STARD13: variants seen among roughly 807,000 people sequenced by gnomAD.
STARD13 encodes the protein stAR-related lipid transfer protein 13.
A neutral mutation model predicts 106.4 loss-of-function variants in STARD13; 62 were observed. The ratio of observed to expected loss-of-function variants is 0.58; its 90% CI spans 0.48 to 0.72. The LOEUF is 0.72. Ranked by LOEUF, STARD13 falls within the 30% of genes least tolerant of loss-of-function variation. The pLI is 0.00. For missense variants in STARD13, 1,387 were observed against 1,424.0 expected (o/e 0.97, Z 0.42); for synonymous variants, 565 against 553.0 (o/e 1.02, Z -0.31).
chr13:33,288,458 G>A (rs898417471), upstream of STARD13, among the ~76,000 whole-genome samples: 3 of 151,750 alleles, frequency 2.0e-5, no homozygotes, highest in Non-Finnish European at 4.4e-5. Flanking sequence ...AAAAGTTGTA[G>A]AGATGGGGGT....
At chr13:33,359,171 T>C in the STARD13 span, among the ~76,000 whole-genome samples, 1 of 152,054 alleles carries the variant, frequency 6.6e-6, no homozygotes, top group African/African-American at 2.4e-5. Flanking sequence ...TGCAATAAAT[T>C]TTGCTACTGC....
chr13:33,287,545 C>T (rs754053493), upstream of STARD13, among the ~76,000 whole-genome samples: 54 of 152,172 alleles, frequency 3.5e-4, 1 homozygote, highest in Non-Finnish European at 1.0e-4. Flanking sequence ...TGTTCCATAG[C>T]ATCGTCTGTG....
At chr13:33,266,535 C>T (rs1890904854) in intron 1 of STARD13, among the ~76,000 whole-genome samples, 1 of 152,196 alleles carries the variant, frequency 6.6e-6, no homozygotes, top group Non-Finnish European at 1.5e-5. Context: ...TTTCCTATAA[C>T]CTCCACATGT....
intron 1 of STARD13, among the ~76,000 whole-genome samples, chr13:33,187,010 A>G (rs1245823851): frequency 6.6e-6 from 1 of 152,194 alleles, no homozygotes; most frequent in African/African-American, 2.4e-5. Context: ...GTCGTTTCTG[A>G]AATTCCTGCC....
the STARD13 span, among the ~76,000 whole-genome samples, chr13:33,625,663 A>G: frequency 1.2e-4 from 19 of 152,188 alleles, no homozygotes; most frequent in African/African-American, 4.1e-4. Context: ...ACAGTTAAAC[A>G]TTAGGTTAAT....
chr13:33,184,106 G>A (rs1341065533), intron 1 of STARD13, among the ~76,000 whole-genome samples: 1 of 152,154 alleles, frequency 6.6e-6, no homozygotes, highest in Non-Finnish European at 1.5e-5. Context: ...CTTCCTGAAG[G>A]TGTAGCTTGT....
the STARD13 span, among the ~76,000 whole-genome samples, chr13:33,492,359 C>T: frequency 8.5e-5 from 13 of 152,188 alleles, no homozygotes; most frequent in Admixed American, 3.9e-4. Flanking sequence ...ATGTCAGAGG[C>T]GTGTGAACCA....
At chr13:33,435,570 A>G in the STARD13 span, among the ~76,000 whole-genome samples, 2 of 152,168 alleles carry the variant, frequency 1.3e-5, no homozygotes, top group African/African-American at 4.8e-5. Context: ...ATCTCTCTAC[A>G]TATATAGCCA....
the STARD13 span, among the ~76,000 whole-genome samples, chr13:33,587,194 C>T: frequency 0.016 from 2,393 of 146,484 alleles, 57 homozygotes; most frequent in African/African-American, 0.057. Context: ...CCAGCCAGGG[C>T]GACAGAGCGA....
At chr13:33,399,700 CAAAA>C in the STARD13 span, among the ~76,000 whole-genome samples, 1 of 26,948 alleles carries the variant, frequency 3.7e-5, no homozygotes, top group African/African-American at 8.7e-5. Flanking sequence ...GACTCTGTCT[CAAAA>C]AAAAAAAAAA....
At chr13:33,121,520 A>G (rs1364060372) in intron 7 of STARD13, among the ~76,000 whole-genome samples, 1 of 150,238 alleles carries the variant, frequency 6.7e-6, no homozygotes, top group Non-Finnish European at 1.5e-5. Context: ...GTGAGCTGAG[A>G]TTGTGCCACT....
the STARD13 span, among the ~76,000 whole-genome samples, chr13:33,640,758 C>T: frequency 6.6e-6 from 1 of 152,114 alleles, no homozygotes. Flanking sequence ...TGGGACTGAT[C>T]CCAATCTCAG....
At chr13:33,489,410 A>G in the STARD13 span, among the ~76,000 whole-genome samples, 27 of 152,330 alleles carry the variant, frequency 1.8e-4, no homozygotes, top group South Asian at 8.3e-4. Context: ...GTGGTCCAGT[A>G]TTCAGATATT....
chr13:33,356,077 T>C, the STARD13 span, among the ~76,000 whole-genome samples: 310 of 152,360 alleles, frequency 2.0e-3, 1 homozygote, highest in African/African-American at 7.3e-3. Context: ...ACAATTCCTT[T>C]CTATATTTTC....
At chr13:33,154,333 T>C (rs943971312) in intron 3 of STARD13, among the ~76,000 whole-genome samples, 3 of 152,210 alleles carry the variant, frequency 2.0e-5, no homozygotes, top group African/African-American at 7.2e-5. Context: ...TACTGACCTC[T>C]GTTCCAGTCC....
At chr13:33,634,707 C>CCACACACACACATG in the STARD13 span, among the ~76,000 whole-genome samples, 1 of 151,846 alleles carries the variant, frequency 6.6e-6, no homozygotes, top group Non-Finnish European at 1.5e-5. Flanking sequence ...TGCCCCGCCG[C>CCACACACACACATG]CACACACACA....
At chr13:33,175,110 G>C (rs2138413643) in intron 1 of STARD13, among the ~76,000 whole-genome samples, 1 of 152,316 alleles carries the variant, frequency 6.6e-6, no homozygotes, top group Middle Eastern at 3.4e-3. Context: ...AAAGAAAGCA[G>C]AAAATAGATG....
chr13:33,592,729 T>C, the STARD13 span, among the ~76,000 whole-genome samples: 10,470 of 152,316 alleles, frequency 0.069, 392 homozygotes, highest in East Asian at 0.098. Flanking sequence ...TCCAATTTTC[T>C]GACACAAGCA....
the STARD13 span, among the ~76,000 whole-genome samples, chr13:33,384,714 A>G: frequency 3.3e-5 from 5 of 152,176 alleles, no homozygotes; most frequent in Non-Finnish European, 7.3e-5. Flanking sequence ...TGTAGTCCTC[A>G]AACTCTTTGA....
Sources: gnomAD v4.1 joint callset for allele counts (sites outside exome capture counted in the v4.1 genomes callset) on GRCh38, gnomAD v4.1.1 for gene constraint, MANE v1.5 for transcripts, NCBI Gene and HGNC (gene_info 2026-07-23, HGNC 2026-07-21) for gene names.